The following ORC4 variants were observed in gnomAD, a reference collection of about 807,000 sequenced individuals.
The protein encoded by ORC4 is origin recognition complex subunit 4, also known as origin recognition complex, subunit 4 homolog.
Under a neutral mutation model 63.9 loss-of-function variants are expected in ORC4, and 55 were observed. That is an observed-to-expected ratio of 0.86 (90% CI 0.69 to 1.08). The LOEUF (loss-of-function observed/expected upper bound fraction) is 1.08. Among genes scored for constraint, ORC4 ranks in the 50% least tolerant of loss-of-function variants. The probability of loss-of-function intolerance (pLI) is 0.00; values close to 1 mark genes in which losing one functional copy is unlikely to be tolerated. For synonymous variants in ORC4, 150 were observed against 168.5 expected, an observed-to-expected ratio of 0.89 and a Z score of 0.85; for missense variants, 511 against 504.4, an observed-to-expected ratio of 1.01 and a Z score of -0.13.
Position 147,958,849 on chromosome 2 carries a change from C to G in ORC4, c.243G>C (p.Leu81Phe). 7.3e-7 allele frequency: 1 copy of G among 1,363,170 alleles called. No homozygotes were observed. The highest frequency in any genetic ancestry group is 1.0e-6 in the Non-Finnish European group (1 of 954,302). The allele number at this position is 1,363,170 out of a possible 1,614,324, so 84.4% of individuals were successfully genotyped here. The change falls in exon 5 of 14, where the codon TTG (leucine) becomes TTC (phenylalanine). Residue 81 changes from leucine to phenylalanine, a missense_variant. Physicochemically the swap from Leu to Phe is conservative, Grantham distance 22. Transcript: ENST00000392857. ...SGKTMLINHA[L>F]KELMEIEEVS... Reference sequence around the variant, plus strand: ...CTTCTTCTATTTCCATGAGTTCTTTCAAAGCATGATTTATTAACTAAATAT... The same window carrying G: ...CTTCTTCTATTTCCATGAGTTCTTTGAAAGCATGATTTATTAACTAAATAT...
chr2:147,964,415 T>A (rs141524774), intron 4 of ORC4, among the ~76,000 whole-genome samples: 305 of 151,900 alleles, frequency 2.0e-3, no homozygotes, highest in African/African-American at 6.9e-3. Context: ...AGAAAAAAAA[T>A]AGAATGAAGA....
At chr2:147,995,075 C>T (rs947840830) in intron 1 of ORC4, among the ~76,000 whole-genome samples, 4 of 151,604 alleles carry the variant, frequency 2.6e-5, no homozygotes, top group African/African-American at 9.7e-5. Flanking sequence ...CACCAATCAG[C>T]ACTCTATAAA....
chr2:148,006,436 AG>A (rs1360936978), intron 1 of ORC4, among the ~76,000 whole-genome samples: 1 of 152,154 alleles, frequency 6.6e-6, no homozygotes. Context: ...CTGGCCTTGG[AG>A]GTAATGGACT....
intron 2 of ORC4, 45 bp from the exon 3 acceptor site, chr2:147,973,569 T>C (rs1198488760): frequency 2.8e-6 from 3 of 1,061,098 alleles, no homozygotes; most frequent in African/African-American, 3.2e-5. Context: ...ATATTACACA[T>C]GATATAAAAA....
chr2:148,005,750 G>T (rs2603601), intron 1 of ORC4, among the ~76,000 whole-genome samples: 1 of 151,164 alleles, frequency 6.6e-6, no homozygotes, highest in Non-Finnish European at 1.5e-5. Context: ...AGGTCAAGGC[G>T]AGTGGATCAT....
intron 1 of ORC4, among the ~76,000 whole-genome samples, chr2:148,018,834 T>C (rs1050078607): frequency 2.6e-5 from 4 of 152,244 alleles, no homozygotes; most frequent in East Asian, 3.9e-4. Context: ...CTGAAAAGAA[T>C]TGAGGAAAGG....
In ORC4 at chr2:147,934,660, C is replaced by T. The variant is rs918030322; in HGVS notation, c.*850G>A. ...TATACAGATAGCCTAGCCTATTACT[C>T]TTCAGCTATAGCACTGTACAGAATG... On this transcript the variant is annotated 3_prime_UTR_variant, in exon 14 of 14. Coordinates refer to ENST00000392857, the MANE Select transcript of ORC4 (RefSeq NM_181741.4). 6.6e-6 allele frequency: 1 copy of T among 152,152 alleles called. No individual in the cohort carries two copies. Among genetic ancestry groups the T allele is most frequent in the Non-Finnish European group, 1.5e-5 (1 of 68,018 alleles). The allele number at this position is 152,152 out of a possible 1,614,324, so 9.4% of individuals were successfully genotyped here. A position where few individuals can be genotyped will look rare whatever the true frequency, so the allele number is the denominator to read the frequency against.
chr2:148,021,374 C>T (rs1693708571), upstream of ORC4: 2 of 461,400 alleles, frequency 4.3e-6, no homozygotes, highest in African/African-American at 2.0e-5. Flanking sequence ...ACTCGCCTCC[C>T]TCCCTCCACC....
chr2:147,950,755 A>G (rs1486624821), intron 8 of ORC4, among the ~76,000 whole-genome samples: 3 of 134,864 alleles, frequency 2.2e-5, no homozygotes, highest in Non-Finnish European at 4.7e-5. Context: ...ACAGAGCAAG[A>G]CTCCATCTCA....
At chr2:147,970,102 C>G (rs1690125489) in intron 4 of ORC4, among the ~76,000 whole-genome samples, 1 of 152,052 alleles carries the variant, frequency 6.6e-6, no homozygotes, top group East Asian at 1.9e-4. Flanking sequence ...AAACACAGTA[C>G]TATTCGCACT....
chr2:147,932,863 A>T lies in ORC4; in HGVS notation c.*2647T>A, dbSNP rs1316939648. On this transcript the variant is annotated 3_prime_UTR_variant, in exon 14 of 14. Coordinates refer to ENST00000392857, the MANE Select transcript of ORC4 (RefSeq NM_181741.4). The stretch of plus-strand genomic sequence containing the variant: ...GAGTGCGAACCATGGTGAAATATGC[A>T]TGGAAACTACAGAAAGACTGAAGTG... The T allele has an allele frequency of 6.6e-6, 1 of 152,128 alleles. No homozygotes were observed. Among genetic ancestry groups the T allele is most frequent in the Non-Finnish European group, 1.5e-5 (1 of 68,026 alleles). The allele number at this position is 152,128 out of a possible 1,614,324, so 9.4% of individuals were successfully genotyped here.
intron 8 of ORC4, 145 bp downstream of exon 8, chr2:147,952,228 T>C (rs1688994997): frequency 1.6e-6 from 1 of 612,836 alleles, no homozygotes; most frequent in Non-Finnish European, 2.9e-6. Context: ...TCAATTTGAG[T>C]TGAAAGCAGG....
At chr2:147,972,440 C>T (rs1690270721) in intron 4 of ORC4, among the ~76,000 whole-genome samples, 1 of 151,940 alleles carries the variant, frequency 6.6e-6, no homozygotes, top group African/African-American at 2.4e-5. Flanking sequence ...CACTGGAAAT[C>T]TCTACTTCTT....
At chr2:147,970,004 T>TA (rs942290148) in intron 4 of ORC4, among the ~76,000 whole-genome samples, 9 of 152,102 alleles carry the variant, frequency 5.9e-5, no homozygotes, top group African/African-American at 2.2e-4. Flanking sequence ...GAGAAGCAAT[T>TA]ATAGCAAGGT....
At chr2:147,985,368 T>C (rs551414889) in intron 1 of ORC4, among the ~76,000 whole-genome samples, 8 of 152,080 alleles carry the variant, frequency 5.3e-5, no homozygotes, top group Non-Finnish European at 1.0e-4. Context: ...GGCTAATTTT[T>C]TGTATTTTTA....
chr2:147,963,415 C>A (rs1291589129), intron 4 of ORC4, among the ~76,000 whole-genome samples: 1 of 152,186 alleles, frequency 6.6e-6, no homozygotes, highest in East Asian at 1.9e-4. Flanking sequence ...CAGGACGCCT[C>A]TAGTGGGCAT....
intron 9 of ORC4, among the ~76,000 whole-genome samples, chr2:147,944,511 G>A (rs376487770): frequency 3.3e-5 from 5 of 152,010 alleles, no homozygotes; most frequent in African/African-American, 1.2e-4. Context: ...ACAGCCCTTT[G>A]AGAAAGTACC....
At chr2:148,005,323 G>A (rs1436254710) in intron 1 of ORC4, among the ~76,000 whole-genome samples, 7 of 151,918 alleles carry the variant, frequency 4.6e-5, no homozygotes, top group African/African-American at 9.7e-5. Context: ...ACCAAACAAC[G>A]CATGTTCCCA....
intron 1 of ORC4, among the ~76,000 whole-genome samples, chr2:147,976,588 A>T (rs2105358859): frequency 6.6e-6 from 1 of 151,724 alleles, no homozygotes; most frequent in East Asian, 1.9e-4. Context: ...TTTAACTTAC[A>T]TGCTTCCTTT....
Sources: allele counts gnomAD v4.1 joint callset (sites outside exome capture counted in the v4.1 genomes callset), GRCh38; gene constraint gnomAD v4.1.1; transcripts MANE v1.5; gene names NCBI Gene and HGNC (gene_info 2026-07-23, HGNC 2026-07-21).